GALK2: variants seen among roughly 807,000 people sequenced by gnomAD.
GALK2 encodes the protein galactokinase 2, also known as N-acetylgalactosamine kinase.
A neutral mutation model predicts 52.4 loss-of-function variants in GALK2; 36 were observed. That is an observed-to-expected ratio of 0.69 (90% confidence interval 0.53 to 0.91). The LOEUF (loss-of-function observed/expected upper bound fraction) is 0.91, where lower values mean the gene tolerates loss of function less well. Ranked by LOEUF, GALK2 falls within the 40% of genes least tolerant of loss-of-function variation. The pLI, the probability that GALK2 is intolerant of heterozygous loss-of-function variation, is 0.00. For synonymous variants in GALK2, 176 were observed against 199.1 expected, an observed-to-expected ratio of 0.88 and a Z score of 0.98; for missense variants, 579 against 559.1, an observed-to-expected ratio of 1.04 and a Z score of -0.36.
Position 49,292,358 on chromosome 15 carries a change from A to G in GALK2, c.788A>G (p.Asp263Gly), listed in dbSNP as rs1236925018. 1 of 1,614,086 alleles carries G rather than the reference A, an allele frequency of 6.2e-7. No homozygotes were observed. The highest frequency in any genetic ancestry group is 1.1e-5 in the South Asian group (1 of 91,078). ...LLAKYKSLQW[D>G]KVLRLEEVQA... Reference sequence around the variant, plus strand: ...GCTAAATACAAAAGCTTGCAATGGGACAAAGTACTGAGGCTGGAGGAGGTG... The same window carrying G: ...GCTAAATACAAAAGCTTGCAATGGGGCAAAGTACTGAGGCTGGAGGAGGTG... Residue 263 changes from aspartate to glycine, a missense_variant, in exon 8 of 10, where the codon GAC becomes GGC. Coordinates refer to ENST00000560031, the MANE Select transcript of GALK2 (RefSeq NM_002044.4).
intron 7 of GALK2, among the ~76,000 whole-genome samples, chr15:49,291,839 T>G (rs79189399): frequency 0.017 from 2,613 of 152,264 alleles, 94 homozygotes; most frequent in African/African-American, 0.06. Context: ...TTACCCCAAA[T>G]GCCCATATAA....
At chr15:49,316,433 G>C (rs1555431721) in intron 8 of GALK2, among the ~76,000 whole-genome samples, 1 of 151,462 alleles carries the variant, frequency 6.6e-6, no homozygotes, top group Non-Finnish European at 1.5e-5. Context: ...CATGGACACA[G>C]GGAGGGGAAC....
At chr15:49,297,165 G>A (rs536082805) in intron 8 of GALK2, among the ~76,000 whole-genome samples, 3 of 152,072 alleles carry the variant, frequency 2.0e-5, no homozygotes, top group Non-Finnish European at 4.4e-5. Context: ...GTTTTAATAT[G>A]CATTTCTGTA....
At chr15:49,265,803 G>A (rs1041908608) in intron 5 of GALK2, among the ~76,000 whole-genome samples, 1 of 152,142 alleles carries the variant, frequency 6.6e-6, no homozygotes, top group African/African-American at 2.4e-5. Context: ...TTGGGCTTCT[G>A]TGAAGATAAA....
intron 3 of GALK2, among the ~76,000 whole-genome samples, chr15:49,356,009 G>A (rs991077673): frequency 6.6e-5 from 10 of 151,604 alleles, no homozygotes; most frequent in Non-Finnish European, 1.2e-4. Flanking sequence ...AAGTGAAGGA[G>A]AAATAAAATA....
At chr15:49,307,056 C>T (rs1282983326) in intron 8 of GALK2, among the ~76,000 whole-genome samples, 2 of 152,004 alleles carry the variant, frequency 1.3e-5, no homozygotes, top group Non-Finnish European at 2.9e-5. Context: ...AGAAGTGTGC[C>T]GAGATGGGAG....
In GALK2 at chr15:49,298,491, G is replaced by T. The variant is rs559167821; in HGVS notation, c.967+5954G>T. Among the ~76,000 whole-genome samples the T allele has an allele frequency of 1.1e-3, 161 of 152,140 alleles. 1 individual carries two copies. The highest frequency in any genetic ancestry group is 3.8e-3 in the African/African-American group (158 of 41,530). On this transcript the variant is annotated intron_variant, in intron 8 of 9. Coordinates refer to ENST00000560031, the MANE Select transcript of GALK2 (RefSeq NM_002044.4). ...AGAATGGGAATCCTTGTTTTGTTCTGGTTCTCAGGGGAATGCCTCTAGCTT... is the reference window on the plus strand; with the variant it reads ...AGAATGGGAATCCTTGTTTTGTTCTTGTTCTCAGGGGAATGCCTCTAGCTT...
chr15:49,350,791 A>C (rs2042128941), intron 3 of GALK2, among the ~76,000 whole-genome samples: 1 of 152,128 alleles, frequency 6.6e-6, no homozygotes, highest in African/African-American at 2.4e-5. Context: ...CTTTCCTAAC[A>C]GTGCTCTCTA....
At chr15:49,199,745 G>A (rs1288725328) in intron 1 of GALK2, among the ~76,000 whole-genome samples, 1 of 152,166 alleles carries the variant, frequency 6.6e-6, no homozygotes, top group Admixed American at 6.5e-5. Flanking sequence ...CAAGGCCACA[G>A]TGTCATGAAA....
At chr15:49,282,683 A>T (rs552139328) in intron 6 of GALK2, among the ~76,000 whole-genome samples, 63 of 152,264 alleles carry the variant, frequency 4.1e-4, no homozygotes, top group African/African-American at 1.5e-3. Context: ...GTTGCTCATA[A>T]GCTGCTCATT....
chr15:49,206,980 T>C, intron 2 of GALK2, among the ~76,000 whole-genome samples: 1 of 152,238 alleles, frequency 6.6e-6, no homozygotes, highest in East Asian at 1.9e-4. Flanking sequence ...GGGTCTGTCA[T>C]AGATGGCTTT....
intron 4 of GALK2, among the ~76,000 whole-genome samples, chr15:49,236,422 A>T (rs925614269): frequency 6.6e-6 from 1 of 151,678 alleles, no homozygotes; most frequent in Admixed American, 6.6e-5. Flanking sequence ...ATAAAGCTTG[A>T]TGGTAGCCAT....
At chr15:49,195,215 G>A (rs1326917331) in intron 1 of GALK2, 1 of 397,436 alleles carries the variant, frequency 2.5e-6, no homozygotes, top group Non-Finnish European at 5.0e-6. Context: ...GGGATTACAG[G>A]TGCGTGCCAC....
chr15:49,207,897 T>G (rs370979971), intron 2 of GALK2, among the ~76,000 whole-genome samples: 21 of 152,186 alleles, frequency 1.4e-4, no homozygotes, highest in African/African-American at 5.1e-4. Context: ...TGCCTCAGCC[T>G]GAGTAGCTAG....
At chr15:49,262,025 T>C (rs2092135130) in intron 5 of GALK2, among the ~76,000 whole-genome samples, 1 of 152,216 alleles carries the variant, frequency 6.6e-6, no homozygotes, top group Non-Finnish European at 1.5e-5. Flanking sequence ...TGGTCTAAAA[T>C]TCTCTTTTTT....
chr15:49,247,149 G>A (rs969262057), intron 5 of GALK2, among the ~76,000 whole-genome samples: 16 of 152,064 alleles, frequency 1.1e-4, no homozygotes, highest in Non-Finnish European at 2.2e-4. Context: ...AACAGCAAGT[G>A]CAAAAGCCCT....
chr15:49,239,777 T>C (rs2141503844), intron 5 of GALK2, among the ~76,000 whole-genome samples: 1 of 152,324 alleles, frequency 6.6e-6, no homozygotes, highest in East Asian at 1.9e-4. Flanking sequence ...GAACTGAATA[T>C]GCCAGCAGAT....
intron 2 of GALK2, among the ~76,000 whole-genome samples, chr15:49,211,602 G>A (rs1292167923): frequency 2.0e-5 from 3 of 152,180 alleles, no homozygotes; most frequent in Non-Finnish European, 4.4e-5. Flanking sequence ...TTTAAAAAAA[G>A]AGGTTTAATT....
intron 7 of GALK2, among the ~76,000 whole-genome samples, chr15:49,287,754 C>G (rs1422320036): frequency 6.6e-6 from 1 of 152,188 alleles, no homozygotes; most frequent in Non-Finnish European, 1.5e-5. Context: ...CTCCACATGG[C>G]AAAGTTGTAA....
Sources: gnomAD v4.1 joint callset for allele counts (sites outside exome capture counted in the v4.1 genomes callset) on GRCh38, gnomAD v4.1.1 for gene constraint, MANE v1.5 for transcripts, NCBI Gene and HGNC (gene_info 2026-07-23, HGNC 2026-07-21) for gene names.